Variants in ZNF184 observed in about 807,000 individuals in gnomAD.
The protein encoded by ZNF184 is zinc finger protein 184.
ZNF184 carries 16 observed loss-of-function variants against 54.4 expected under a neutral mutation model. The ratio of observed to expected loss-of-function variants is 0.29; its 90% confidence interval spans 0.20 to 0.45. The LOEUF is 0.45. ZNF184 is among the 20% of genes least tolerant of loss of function. ZNF184 has a pLI of 1.00. For synonymous variants in ZNF184, 254 were observed against 295.3 expected (o/e 0.86, Z 1.43); for missense variants, 681 against 888.2 (o/e 0.77, Z 2.97).
At chr6:27,447,071 T>A (rs1484981494), downstream of ZNF184, among the ~76,000 whole-genome samples, 47 of 132,070 alleles carry the variant, frequency 3.6e-4, no homozygotes, top group African/African-American at 5.7e-4. Context: ...GCCACTGCAA[T>A]CAAAAAAAAA....
chr6:27,470,183 AACAG>A (rs559858105), intron 2 of ZNF184, among the ~76,000 whole-genome samples: 50 of 152,276 alleles, frequency 3.3e-4, no homozygotes, highest in Non-Finnish European at 3.8e-4. Flanking sequence ...ATCTGATATA[AACAG>A]ACAGACTAAG....
At chr6:27,424,668 C>T in the ZNF184 span, among the ~76,000 whole-genome samples, 1 of 152,156 alleles carries the variant, frequency 6.6e-6, no homozygotes, top group African/African-American at 2.4e-5. Flanking sequence ...AAACCTTGAG[C>T]CAGATACAGA....
At position 27,453,298 on chromosome 6, in the gene ZNF184, A is replaced by G. The variant is rs1440800002; in HGVS notation, c.299-38T>C. 1 of 1,517,650 alleles carries G rather than the reference A, an allele frequency of 6.6e-7. No individual in the cohort carries two copies. Among genetic ancestry groups the G allele is most frequent in the East Asian group, 2.3e-5 (1 of 43,910 alleles). 94.0% of individuals were successfully genotyped at this position (1,517,650 alleles called of 1,614,324 possible). The stretch of plus-strand genomic sequence containing the variant: ...GAAAATTCCAGTGTTCTCTGAATAG[A>G]GAAAAAATAAACTGCTATTGTGGGA... On this transcript the variant is annotated intron_variant, in intron 5 of 5. Transcript: ENST00000683788. This position sits in a 1 kb window ranked among gnomAD's most constrained non-coding sequence, Gnocchi z 4.7.
chr6:27,438,773 A>AATGTTAGTT, the ZNF184 span, among the ~76,000 whole-genome samples: 37 of 152,198 alleles, frequency 2.4e-4, no homozygotes, highest in South Asian at 7.5e-3. Flanking sequence ...TTTTAAATAT[A>AATGTTAGTT]ATGTTAGTTA....
At chr6:27,446,376 CCCAGGTATGGCTTGAT>C (rs1762636777), downstream of ZNF184, among the ~76,000 whole-genome samples, 1 of 152,202 alleles carries the variant, frequency 6.6e-6, no homozygotes, top group Non-Finnish European at 1.5e-5. Context: ...GCTCATTAGG[CCCAGGTATGGCTTGAT>C]CCAGAAAATG....
chr6:27,457,558 G>A, intron 3 of ZNF184, 149 bp from the exon 4 acceptor site: 1 of 888,830 alleles, frequency 1.1e-6, no homozygotes, highest in South Asian at 1.9e-5. Flanking sequence ...TGTAAAAACA[G>A]TGCCTCATCC....
the ZNF184 span, among the ~76,000 whole-genome samples, chr6:27,413,546 C>T: frequency 1.3e-5 from 2 of 152,128 alleles, no homozygotes; most frequent in African/African-American, 4.8e-5. Context: ...CAAAATTTTG[C>T]CACATTTGTT....
the ZNF184 span, among the ~76,000 whole-genome samples, chr6:27,439,212 T>A: frequency 2.6e-5 from 4 of 152,230 alleles, no homozygotes; most frequent in African/African-American, 9.6e-5. Flanking sequence ...TTATGGTCCA[T>A]GTCTACCAGA....
the ZNF184 span, among the ~76,000 whole-genome samples, chr6:27,433,624 C>T: frequency 2.0e-4 from 31 of 152,338 alleles, no homozygotes; most frequent in East Asian, 5.8e-3. Flanking sequence ...TTTCACTTAG[C>T]ATAATGTTTT....
At chr6:27,456,513 C>T (rs545628638) in intron 5 of ZNF184, among the ~76,000 whole-genome samples, 23 of 152,022 alleles carry the variant, frequency 1.5e-4, no homozygotes, top group East Asian at 5.8e-4. Context: ...CTGAAAAGTA[C>T]GGTGATAATT....
intron 3 of ZNF184, among the ~76,000 whole-genome samples, chr6:27,458,693 G>T (rs1002045421): frequency 3.9e-5 from 6 of 151,988 alleles, no homozygotes; most frequent in Non-Finnish European, 7.4e-5. Context: ...ACTAAATATG[G>T]AACTACCATA....
chr6:27,464,788 G>A (rs1212751243), intron 3 of ZNF184, among the ~76,000 whole-genome samples: 1 of 151,880 alleles, frequency 6.6e-6, no homozygotes, highest in East Asian at 1.9e-4. Flanking sequence ...AGGCCAAGGT[G>A]GGCGGATCAC....
Position 27,452,090 on chromosome 6 carries a change from G to T in ZNF184, c.1469C>A (p.Thr490Asn). The change falls in exon 6 of 6, where the codon ACT becomes AAT. Residue 490 changes from threonine (T) to asparagine (N), a missense_variant. Physicochemically the swap from Thr to Asn is moderately conservative, Grantham distance 65. Transcript: ENST00000683788. The surrounding 1 kb of genome is among the most constrained non-coding windows in gnomAD (Gnocchi z 5.5). Reference protein sequence around the residue: ...GKAFSYCSSLTQHRRIHTREK... With the variant: ...GKAFSYCSSLNQHRRIHTREK... Reference sequence around the variant, plus strand: ...TCTCGTGTGAATTCTCCGATGTTGAGTAAGGGATGAGCAGTAACTGAAGGC... The same window carrying T: ...TCTCGTGTGAATTCTCCGATGTTGATTAAGGGATGAGCAGTAACTGAAGGC... The T allele has an allele frequency of 6.2e-7, 1 of 1,613,990 alleles. No homozygotes were observed. Among genetic ancestry groups the T allele is most frequent in the Non-Finnish European group, 8.5e-7 (1 of 1,179,992 alleles).
At chr6:27,427,426 G>C in the ZNF184 span, among the ~76,000 whole-genome samples, 1 of 152,098 alleles carries the variant, frequency 6.6e-6, no homozygotes, top group African/African-American at 2.4e-5. Flanking sequence ...TCCTTCCTTG[G>C]AATTTCCTCA....
chr6:27,411,634 A>G, the ZNF184 span, among the ~76,000 whole-genome samples: 84 of 152,386 alleles, frequency 5.5e-4, no homozygotes, highest in South Asian at 1.4e-3. Context: ...AAGTCCGGAT[A>G]GAAGGCCCGA....
chr6:27,425,934 T>C, the ZNF184 span, among the ~76,000 whole-genome samples: 1 of 152,364 alleles, frequency 6.6e-6, no homozygotes, highest in Admixed American at 6.5e-5. Flanking sequence ...CTTATTTTCC[T>C]GAGTCCAAAG....
At chr6:27,421,628 T>C in the ZNF184 span, among the ~76,000 whole-genome samples, 1 of 152,152 alleles carries the variant, frequency 6.6e-6, no homozygotes, top group Non-Finnish European at 1.5e-5. Context: ...TTAAATGACA[T>C]TGGAGGAATA....
At position 27,459,980 on chromosome 6, in the gene ZNF184, C is replaced by T. The variant is rs139639081; in HGVS notation, c.76-2571G>A. Among the ~76,000 whole-genome samples, 183 of 152,192 alleles carry T rather than the reference C, an allele frequency of 1.2e-3. 2 individuals are homozygous for T. The Middle Eastern group carries it at 0.017, about 14-fold the overall frequency. ...GAGTTCAAGACCAGCCTGCGCAACA[C>T]AGTGAGACCTCATCGGCACTAAAGA... On this transcript the variant is annotated intron_variant, in intron 3 of 5. Transcript: ENST00000683788.
chr6:27,463,014 T>C (rs755817160), intron 3 of ZNF184, among the ~76,000 whole-genome samples: 22 of 149,358 alleles, frequency 1.5e-4, no homozygotes, highest in Non-Finnish European at 3.1e-4. Context: ...GTATTCCATA[T>C]GTTCAAAATG....
Sources: allele counts gnomAD v4.1 joint callset (sites outside exome capture counted in the v4.1 genomes callset), GRCh38; gene constraint gnomAD v4.1.1; non-coding constraint Gnocchi (gnomAD v3.1); transcripts MANE v1.5; gene names NCBI Gene and HGNC (gene_info 2026-07-23, HGNC 2026-07-21).